Variants in ALOX5 observed in about 807,000 individuals in gnomAD.
ALOX5 encodes the protein arachidonate 5-lipoxygenase.
A neutral mutation model predicts 87.9 loss-of-function variants in ALOX5; 64 were observed. The observed-to-expected ratio is 0.73, with a 90% CI of 0.60 to 0.90. The LOEUF (loss-of-function observed/expected upper bound fraction) is 0.90, where lower values mean the gene tolerates loss of function less well. Ranked by LOEUF, ALOX5 falls within the 40% of genes least tolerant of loss-of-function variation. ALOX5 has a pLI of 0.00. For synonymous variants in ALOX5, 388 were observed against 355.1 expected, an observed-to-expected ratio of 1.09 and a Z score of -1.04; for missense variants, 822 against 907.5, an observed-to-expected ratio of 0.91 and a Z score of 1.21.
chr10:45,391,485 C>T (rs1840250825), intron 2 of ALOX5, among the ~76,000 whole-genome samples: 1 of 152,176 alleles, frequency 6.6e-6, no homozygotes, highest in African/African-American at 2.4e-5. Flanking sequence ...TCCCAAAGTG[C>T]CGAGATTGCA....
chr10:45,416,213 A>G (rs550778995), intron 4 of ALOX5, among the ~76,000 whole-genome samples: 9 of 152,270 alleles, frequency 5.9e-5, no homozygotes, highest in Middle Eastern at 3.4e-3. Context: ...ATTATTGACC[A>G]TTTCTAGGTG....
chr10:45,418,241 G>A (rs1226718777), intron 4 of ALOX5, among the ~76,000 whole-genome samples: 1 of 152,204 alleles, frequency 6.6e-6, no homozygotes, highest in Non-Finnish European at 1.5e-5. Context: ...GCAGCTTAGA[G>A]GAGCCTGTGT....
At chr10:45,441,643 A>T (rs1292983229) in intron 9 of ALOX5, 2 of 511,476 alleles carry the variant, frequency 3.9e-6, no homozygotes, top group Admixed American at 3.6e-5. Flanking sequence ...CTTCCTTCTC[A>T]CTGATGGCTC....
intron 13 of ALOX5, chr10:45,444,739 A>T (rs1486332645): frequency 6.1e-6 from 1 of 163,480 alleles, no homozygotes. Context: ...GACCAGTCCA[A>T]CCTGCTCCAG....
At chr10:45,440,192 C>G (rs1216083494) in intron 7 of ALOX5, among the ~76,000 whole-genome samples, 1 of 152,190 alleles carries the variant, frequency 6.6e-6, no homozygotes, top group Admixed American at 6.5e-5. Flanking sequence ...ATGACAGATG[C>G]TGAAGCCGGA....
chr10:45,418,625 CT>C lies in ALOX5; in HGVS notation c.555-5415del, dbSNP rs543531134. Among the ~76,000 whole-genome samples, 237 of 152,284 alleles carry C rather than the reference CT, an allele frequency of 1.6e-3. 2 individuals are homozygous for C. The highest frequency in any genetic ancestry group is 5.0e-3 in the South Asian group (24 of 4,826). On this transcript the variant is annotated intron_variant, in intron 4 of 13. Coordinates refer to ENST00000374391, the MANE Select transcript of ALOX5 (RefSeq NM_000698.5). ...GGAAGGCTTTGCAGCCGGGGGCCAT[CT>C]GACCAGGTCTTACTGGGCCCAGGCA... is the stretch of plus-strand genomic sequence containing the variant.
At chr10:45,412,371 G>C in intron 4 of ALOX5, 58 bp downstream of exon 4, 3 of 1,602,354 alleles carry the variant, frequency 1.9e-6, no homozygotes, top group South Asian at 2.2e-5. Context: ...GGTGCTGGGG[G>C]TGGAACCCTC....
Position 45,412,488 on chromosome 10 carries a change from C to CAT in ALOX5, c.554+176_554+177insTA, listed in dbSNP as rs1469675590. 1.2e-4 allele frequency among the ~76,000 whole-genome samples: 18 copies of CAT among 152,250 alleles called. No homozygotes were observed. The East Asian group carries it at 1.5e-3, about 13-fold the overall frequency. ...GGATTCTCAACGCACAATTGCAGGACAACCGGTATCTTAAAAAAGGCATAA... is the reference window on the plus strand; with the variant it reads ...GGATTCTCAACGCACAATTGCAGGACATAACCGGTATCTTAAAAAAGGCATAA... On this transcript the variant is annotated intron_variant, in intron 4 of 13. Coordinates refer to ENST00000374391, the MANE Select transcript of ALOX5 (RefSeq NM_000698.5).
At chr10:45,384,297 A>G (rs902722399) in intron 2 of ALOX5, among the ~76,000 whole-genome samples, 3 of 152,302 alleles carry the variant, frequency 2.0e-5, no homozygotes, top group African/African-American at 7.2e-5. Flanking sequence ...TCTCATTCCA[A>G]TCACTTTCAG....
Position 45,444,258 on chromosome 10 carries a change from G to C in ALOX5, c.1817G>C (p.Trp606Ser). The C allele has an allele frequency of 6.4e-7, 1 of 1,554,972 alleles. No individual in the cohort carries two copies. The highest frequency in any genetic ancestry group is 8.7e-7 in the Non-Finnish European group (1 of 1,149,250). Residue 606 changes from tryptophan to serine, a missense_variant, in exon 13 of 14, where the codon TGG becomes TCG. By Grantham distance (177) the Trp-to-Ser change is radical (BLOSUM62 -3). Coordinates refer to ENST00000374391, the MANE Select transcript of ALOX5 (RefSeq NM_000698.5). ...TCCTGCTGGCATCTGGGTGCAGTGTGGGCGCTGAGCCAGTTCCAGGAAAAC... is the reference window on the plus strand; with the variant it reads ...TCCTGCTGGCATCTGGGTGCAGTGTCGGCGCTGAGCCAGTTCCAGGAAAAC... ...GRSCWHLGAV[W>S]ALSQFQENEL...
chr10:45,382,336 T>C, intron 1 of ALOX5, 147 bp from the exon 2 acceptor site: 1 of 760,062 alleles, frequency 1.3e-6, no homozygotes, highest in South Asian at 1.7e-5. Context: ...TGTCAGAGTA[T>C]CTTGCACCTG....
intron 1 of ALOX5, among the ~76,000 whole-genome samples, chr10:45,379,824 C>T (rs1053374559): frequency 1.3e-5 from 2 of 152,196 alleles, no homozygotes; most frequent in African/African-American, 4.8e-5. Flanking sequence ...CCCAGGCCAT[C>T]CAGCTACTTG....
chr10:45,425,445 G>T lies in ALOX5; in HGVS notation c.834+313G>T, dbSNP rs1358570164. Among the ~76,000 whole-genome samples, 2 of 152,174 alleles carry T rather than the reference G, an allele frequency of 1.3e-5. No individual in the cohort carries two copies. Among genetic ancestry groups the T allele is most frequent in the Admixed American group, 6.5e-5 (1 of 15,276 alleles). The stretch of plus-strand genomic sequence containing the variant: ...TACCCTTGATTAGGGGCCTGTGGTG[G>T]GACAGGCATTGTGACAGGTGCTTTA... On this transcript the variant is annotated intron_variant, in intron 6 of 13. Coordinates refer to ENST00000374391, the MANE Select transcript of ALOX5 (RefSeq NM_000698.5). The surrounding 1 kb of genome is among the most constrained non-coding windows in gnomAD (Gnocchi z 4.4).
chr10:45,392,574 T>A lies in ALOX5; in HGVS notation c.350-3281T>A, dbSNP rs370823818. On this transcript the variant is annotated intron_variant, in intron 2 of 13. Coordinates refer to ENST00000374391, the MANE Select transcript of ALOX5 (RefSeq NM_000698.5). The stretch of plus-strand genomic sequence containing the variant: ...TACCCAGGGACACAAACACTGCGGA[T>A]GGCCGCAGGGTCCTCTGCCTAGGAA... Among the ~76,000 whole-genome samples, 493 of 152,082 alleles carry A rather than the reference T, an allele frequency of 3.2e-3. 3 individuals carry two copies. Among genetic ancestry groups the A allele is most frequent in the African/African-American group, 0.011 (470 of 41,382 alleles).
At chr10:45,387,618 G>C (rs2132690813) in intron 2 of ALOX5, among the ~76,000 whole-genome samples, 1 of 152,286 alleles carries the variant, frequency 6.6e-6, no homozygotes, top group African/African-American at 2.4e-5. Context: ...CCAGAGTTAG[G>C]CATGTACTGT....
chr10:45,432,125 A>C (rs1054314290), intron 7 of ALOX5, among the ~76,000 whole-genome samples: 4 of 151,812 alleles, frequency 2.6e-5, no homozygotes, highest in African/African-American at 9.7e-5. Flanking sequence ...ATAGTCAAAA[A>C]TTTTTTGAAA....
chr10:45,433,046 A>G lies in ALOX5; in HGVS notation c.981+4282A>G, dbSNP rs369392570. ...AGAAATGTAAATGGGCAACCAGCAT[A>G]TGGAAAAACTCCTAACTTCACCTGT... On this transcript the variant is annotated intron_variant, in intron 7 of 13. Coordinates refer to ENST00000374391, the MANE Select transcript of ALOX5 (RefSeq NM_000698.5). 1.6e-4 allele frequency among the ~76,000 whole-genome samples: 25 copies of G among 152,370 alleles called. No individual in the cohort carries two copies. In the South Asian group the frequency reaches 4.1e-3, roughly 25 times the overall value.
intron 3 of ALOX5, 87 bp downstream of exon 3, chr10:45,396,023 T>C (rs1316223951): frequency 7.3e-7 from 1 of 1,369,608 alleles, no homozygotes; most frequent in Non-Finnish European, 1.0e-6. Flanking sequence ...CTTTCCACAG[T>C]GTATGGCCTG....
intron 2 of ALOX5, among the ~76,000 whole-genome samples, chr10:45,391,407 C>T (rs1229870513): frequency 6.6e-6 from 1 of 152,214 alleles, no homozygotes. Context: ...CAATGGTGCC[C>T]AGGCTGGGGT....
Sources: gnomAD v4.1 joint callset for allele counts (sites outside exome capture counted in the v4.1 genomes callset) on GRCh38, gnomAD v4.1.1 for gene constraint, Gnocchi (gnomAD v3.1) non-coding constraint, MANE v1.5 for transcripts, NCBI Gene and HGNC (gene_info 2026-07-23, HGNC 2026-07-21) for gene names.